KDM1A: variants seen among roughly 807,000 people sequenced by gnomAD.
KDM1A encodes the protein lysine demethylase 1A.
Under a neutral mutation model 109.4 loss-of-function variants are expected in KDM1A, and 49 were observed. That is an observed-to-expected ratio of 0.45 (90% CI 0.36 to 0.57). The LOEUF is 0.57. KDM1A is among the 20% of genes least tolerant of loss of function. The probability of loss-of-function intolerance (pLI) is 0.00; values close to 1 mark genes in which losing one functional copy is unlikely to be tolerated. For synonymous variants in KDM1A, 380 were observed against 415.4 expected (o/e 0.91, Z 1.04); for missense variants, 668 against 1,116.6 (o/e 0.60, Z 5.73).
chr1:23,032,095 C>T (rs1023712042), intron 2 of KDM1A, among the ~76,000 whole-genome samples: 1 of 152,130 alleles, frequency 6.6e-6, no homozygotes, highest in African/African-American at 2.4e-5. Context: ...TACCTTTCTT[C>T]TACCTTTGCT....
intron 2 of KDM1A, among the ~76,000 whole-genome samples, chr1:23,037,077 G>C (rs528280583): frequency 2.6e-5 from 4 of 151,926 alleles, no homozygotes; most frequent in African/African-American, 9.7e-5. Context: ...AGGAGTTTGA[G>C]ACCAGCCCAG....
intron 2 of KDM1A, among the ~76,000 whole-genome samples, chr1:23,040,232 A>G (rs1410220847): frequency 6.6e-6 from 1 of 152,192 alleles, no homozygotes; most frequent in African/African-American, 2.4e-5. Context: ...CCAACCAGTG[A>G]TTTTCACCTC....
chr1:23,049,902 A>T (rs1307289488), intron 3 of KDM1A, among the ~76,000 whole-genome samples: 4 of 152,138 alleles, frequency 2.6e-5, no homozygotes, highest in African/African-American at 9.7e-5. Context: ...AATTATGATT[A>T]CTAATGGATG....
Position 23,019,569 on chromosome 1 carries a change from A to G in KDM1A, c.-28A>G. On this transcript the variant is annotated 5_prime_UTR_variant, in exon 1 of 21. Coordinates refer to ENST00000400181, the MANE Select transcript of KDM1A (RefSeq NM_001009999.3). ...CGGAGCGACAGAGCGAGCGGCCCCT[A>G]CGGCCGTCGGCGGCCCGGCGGCCCG... The G allele has an allele frequency of 7.2e-7, 1 of 1,394,370 alleles. No individual in the cohort carries two copies. The highest frequency in any genetic ancestry group is 9.3e-7 in the Non-Finnish European group (1 of 1,080,808). 86.4% of individuals were successfully genotyped at this position (1,394,370 alleles called of 1,614,324 possible). A position where few individuals can be genotyped will look rare whatever the true frequency, so the allele number is the denominator to read the frequency against.
chr1:23,048,622 T>C (rs1482718428), intron 3 of KDM1A, among the ~76,000 whole-genome samples: 2 of 152,202 alleles, frequency 1.3e-5, no homozygotes, highest in Non-Finnish European at 2.9e-5. Context: ...TGGCCCATGA[T>C]TGGCATTAGG....
At position 23,079,711 on chromosome 1, in the gene KDM1A, A is replaced by C; in HGVS notation, c.2170+44A>C. On this transcript the variant is annotated intron_variant, in intron 18 of 20. Transcript: ENST00000400181. The surrounding 1 kb of genome is among the most constrained non-coding windows in gnomAD (Gnocchi z 5.6). ...TAATCTTTTCCATATCCTTACAGGA[A>C]TATAGAATTTGAAATATTTTGGGTT... 2 of 1,284,576 alleles carry C rather than the reference A, an allele frequency of 1.6e-6. No individual in the cohort carries two copies. Among genetic ancestry groups the C allele is most frequent in the South Asian group, 2.8e-5 (2 of 72,488 alleles). The allele number at this position is 1,284,576 out of a possible 1,614,324, so 79.6% of individuals were successfully genotyped here.
At chr1:23,052,049 A>AT (rs1472750251) in intron 4 of KDM1A, among the ~76,000 whole-genome samples, 4 of 152,068 alleles carry the variant, frequency 2.6e-5, no homozygotes, top group Non-Finnish European at 5.9e-5. Flanking sequence ...CAAAATTGTC[A>AT]TTTTTTTGTT....
chr1:23,078,783 G>C (rs1311018159), intron 16 of KDM1A, among the ~76,000 whole-genome samples: 1 of 152,148 alleles, frequency 6.6e-6, no homozygotes, highest in Non-Finnish European at 1.5e-5. Flanking sequence ...TGACTACAAG[G>C]GTTTGAATCC....
chr1:23,055,318 T>TAATA (rs377263766), intron 6 of KDM1A, 157 bp downstream of exon 6: 308 of 363,092 alleles, frequency 8.5e-4, no homozygotes, highest in Middle Eastern at 3.7e-3. Flanking sequence ...AAGTTAAATA[T>TAATA]AATAAATAAA....
chr1:23,065,587 G>A (rs1015712616), intron 9 of KDM1A, among the ~76,000 whole-genome samples: 2 of 152,210 alleles, frequency 1.3e-5, no homozygotes, highest in African/African-American at 4.8e-5. Context: ...GGGGCCTGGT[G>A]GCTGACAATC....
At chr1:23,072,637 G>A (rs1569801434) in intron 14 of KDM1A, among the ~76,000 whole-genome samples, 1 of 151,994 alleles carries the variant, frequency 6.6e-6, no homozygotes, top group South Asian at 2.1e-4. Flanking sequence ...CTGTATTCAA[G>A]AATGCTACCC....
chr1:23,078,298 G>C (rs995904552), intron 16 of KDM1A, among the ~76,000 whole-genome samples: 1 of 152,142 alleles, frequency 6.6e-6, no homozygotes, highest in Non-Finnish European at 1.5e-5. Flanking sequence ...TAGATGTTGT[G>C]CCATTTTCTC....
chr1:23,083,440 A>C lies in KDM1A; in HGVS notation c.*76A>C. On this transcript the variant is annotated 3_prime_UTR_variant, in exon 21 of 21. Transcript: ENST00000400181. ...AGGAAGGCTCTTCTAGCAATACTAGATCCCACTGAGAAAATCCACCCTGGC... is the reference window on the plus strand; with the variant it reads ...AGGAAGGCTCTTCTAGCAATACTAGCTCCCACTGAGAAAATCCACCCTGGC... 7.1e-7 allele frequency: 1 copy of C among 1,412,886 alleles called. No homozygotes were observed. Among genetic ancestry groups the C allele is most frequent in the Admixed American group, 2.2e-5 (1 of 45,166 alleles). The allele number at this position is 1,412,886 out of a possible 1,614,324, so 87.5% of individuals were successfully genotyped here. A position where few individuals can be genotyped will look rare whatever the true frequency, so the allele number is the denominator to read the frequency against.
In KDM1A at chr1:23,019,837, G is replaced by A; in HGVS notation, c.241G>A (p.Ala81Thr). ...GGGCCTGGCGGAACCGCCGGGGTCC[G>A]CAGGGCCTCAGGCCGGCCCTACTGT... Reference protein sequence around the residue: ...PGGLAEPPGSAGPQAGPTVVP... With the variant: ...PGGLAEPPGSTGPQAGPTVVP... The change falls in exon 1 of 21, where the codon GCA becomes ACA. Residue 81 changes from alanine to threonine, a missense_variant. By Grantham distance (58) the Ala-to-Thr change is moderately conservative (BLOSUM62 0). Transcript: ENST00000400181. The A allele has an allele frequency of 2.8e-6, 4 of 1,453,586 alleles. No homozygotes were observed. The highest frequency in any genetic ancestry group is 1.4e-5 in the South Asian group (1 of 71,576). 90.0% of individuals were successfully genotyped at this position (1,453,586 alleles called of 1,614,324 possible). A position where few individuals can be genotyped will look rare whatever the true frequency, so the allele number is the denominator to read the frequency against.
chr1:23,025,818 A>G (rs1641780263), intron 1 of KDM1A, among the ~76,000 whole-genome samples: 1 of 150,680 alleles, frequency 6.6e-6, no homozygotes. Flanking sequence ...CAGGCCAGAC[A>G]TGGTGGTTCA....
At position 23,056,000 on chromosome 1, in the gene KDM1A, CAA is replaced by C; in HGVS notation, c.954_955del (p.Ser319PhefsTer29). The C allele has an allele frequency of 6.2e-7, 1 of 1,612,878 alleles. No homozygotes were observed. The highest frequency in any genetic ancestry group is 8.5e-7 in the Non-Finnish European group (1 of 1,179,268). On this transcript the variant is annotated frameshift_variant, in exon 7 of 21. Coordinates refer to ENST00000400181, the MANE Select transcript of KDM1A (RefSeq NM_001009999.3). LOFTEE classifies it high-confidence loss of function. ...VSGLAAARQL[Q>X]SFGMDVTLLE... ...AGGCTTGGCAGCAGCTCGACAGTTACAAAGTTTTGGAATGGATGTCACACTTT... is the reference window on the plus strand; with the variant it reads ...AGGCTTGGCAGCAGCTCGACAGTTACAGTTTTGGAATGGATGTCACACTTT...
Position 23,079,748 on chromosome 1 carries a change from T to C in KDM1A, c.2170+81T>C. On this transcript the variant is annotated intron_variant, in intron 18 of 20. Coordinates refer to ENST00000400181, the MANE Select transcript of KDM1A (RefSeq NM_001009999.3). This position sits in a 1 kb window ranked among gnomAD's most constrained non-coding sequence, Gnocchi z 5.6. ...AAATATTTTGGGTTTTCTCAATATATATGCCTTAATTTCTCTCTTTATTAA... is the reference window on the plus strand; with the variant it reads ...AAATATTTTGGGTTTTCTCAATATACATGCCTTAATTTCTCTCTTTATTAA... The C allele has an allele frequency of 1.2e-5, 9 of 776,238 alleles. No homozygotes were observed. The highest frequency in any genetic ancestry group is 1.6e-5 in the Non-Finnish European group (8 of 490,844). The allele number at this position is 776,238 out of a possible 1,614,324, so 48.1% of individuals were successfully genotyped here.
Position 23,079,300 on chromosome 1 carries a change from C to A in KDM1A, c.2055+123C>A. Reference sequence around the variant, plus strand: ...TTGGCTATGCTCCCAATTGTGACATCAGGGCTGAGGCGTGTCAGTTGATTC... The same window carrying A: ...TTGGCTATGCTCCCAATTGTGACATAAGGGCTGAGGCGTGTCAGTTGATTC... On this transcript the variant is annotated intron_variant, in intron 17 of 20. Coordinates refer to ENST00000400181, the MANE Select transcript of KDM1A (RefSeq NM_001009999.3). This position sits in a 1 kb window ranked among gnomAD's most constrained non-coding sequence, Gnocchi z 5.6. 1 of 977,020 alleles carries A rather than the reference C, an allele frequency of 1.0e-6. No homozygotes were observed. Among genetic ancestry groups the A allele is most frequent in the Non-Finnish European group, 1.5e-6 (1 of 654,178 alleles). 60.5% of individuals were successfully genotyped at this position (977,020 alleles called of 1,614,324 possible).
chr1:23,044,407 TCTC>T lies in KDM1A; in HGVS notation c.518-16_518-14del, dbSNP rs1642443503. ...AATTTATGGAGTAAGGTCCCTGAGT[TCTC>T]CTCTTTCCTTCCACAGGGCAAGCAG... is the stretch of plus-strand genomic sequence containing the variant. On this transcript the variant is annotated splice_polypyrimidine_tract_variant and intron_variant, in intron 2 of 20. Transcript: ENST00000400181. 1.2e-6 allele frequency: 2 copies of T among 1,610,696 alleles called. No individual in the cohort carries two copies. Among genetic ancestry groups the T allele is most frequent in the African/African-American group, 1.3e-5 (1 of 74,880 alleles).
Sources: gnomAD v4.1 joint callset for allele counts (sites outside exome capture counted in the v4.1 genomes callset) on GRCh38, gnomAD v4.1.1 for gene constraint, Gnocchi (gnomAD v3.1) non-coding constraint, MANE v1.5 for transcripts, NCBI Gene and HGNC (gene_info 2026-07-23, HGNC 2026-07-21) for gene names.